SMAD3: variants seen among roughly 807,000 people sequenced by gnomAD.
The protein encoded by SMAD3 is MAD homolog 3.
A neutral mutation model predicts 51.8 loss-of-function variants in SMAD3; 12 were observed. That is an observed-to-expected ratio of 0.23 (90% CI 0.15 to 0.38). SMAD3 has a LOEUF of 0.38. Among genes scored for constraint, SMAD3 ranks in the 10% least tolerant of loss-of-function variants. The pLI, the probability that SMAD3 is intolerant of heterozygous loss-of-function variation, is 1.00. For missense variants in SMAD3, 294 were observed against 565.6 expected (o/e 0.52, Z 4.87); for synonymous variants, 238 against 227.7 (o/e 1.05, Z -0.41).
intron 1 of SMAD3, among the ~76,000 whole-genome samples, chr15:67,126,505 G>C (rs1177716345): frequency 6.6e-6 from 1 of 152,176 alleles, no homozygotes; most frequent in African/African-American, 2.4e-5. Flanking sequence ...AGATCTTCAT[G>C]TTCAGGTGGC....
Position 67,191,862 on chromosome 15 carries a change from A to T in SMAD3, c.*1326A>T. ...CGGTAGAGGATCACCGGTGACAACTATAGCAGTTGTATTGTGTAACAAGTA... is the reference window on the plus strand; with the variant it reads ...CGGTAGAGGATCACCGGTGACAACTTTAGCAGTTGTATTGTGTAACAAGTA... On this transcript the variant is annotated 3_prime_UTR_variant, in exon 9 of 9. Coordinates refer to ENST00000327367, the MANE Select transcript of SMAD3 (RefSeq NM_005902.4). 1 of 229,362 alleles carries T rather than the reference A, an allele frequency of 4.4e-6. No individual in the cohort carries two copies. 14.2% of individuals were successfully genotyped at this position (229,362 alleles called of 1,614,324 possible).
Position 67,194,748 on chromosome 15 carries a change from C to T in SMAD3, c.*4212C>T, listed in dbSNP as rs529870126. On this transcript the variant is annotated 3_prime_UTR_variant, in exon 9 of 9. Transcript: ENST00000327367. ...ACCAGGCTGGCTAAACAAGTGGCCG[C>T]GTGTAAAAACAGACAGCTCTGAGTC... 115 of 232,238 alleles carry T rather than the reference C, an allele frequency of 5.0e-4. No individual in the cohort carries two copies. In the South Asian group the frequency reaches 0.011, roughly 23 times the overall value. 14.4% of individuals were successfully genotyped at this position (232,238 alleles called of 1,614,324 possible).
chr15:67,066,843 G>C (rs1462483418), intron 1 of SMAD3, among the ~76,000 whole-genome samples: 1 of 152,234 alleles, frequency 6.6e-6, no homozygotes, highest in Non-Finnish European at 1.5e-5. Context: ...AATGCGGTCC[G>C]TACAGCTGGG....
intron 1 of SMAD3, chr15:67,138,086 A>G (rs1961712176): frequency 1.9e-6 from 3 of 1,551,620 alleles, no homozygotes; most frequent in African/African-American, 1.4e-5. Context: ...ACCGGAAAGC[A>G]TGGTGGATGG....
At chr15:67,154,511 A>G (rs759789746) in intron 1 of SMAD3, among the ~76,000 whole-genome samples, 1 of 152,204 alleles carries the variant, frequency 6.6e-6, no homozygotes, top group Non-Finnish European at 1.5e-5. Context: ...TTGCAGTGAG[A>G]CCTCAATTAT....
In SMAD3 at chr15:67,113,072, ATGTG is replaced by A. The variant is rs1555408261; in HGVS notation, c.206+46714_206+46717del. The stretch of plus-strand genomic sequence containing the variant: ...TAATCAACTTTTAAAATATATATAT[ATGTG>A]TATATATATATATATATATTTTTTT... On this transcript the variant is annotated intron_variant, in intron 1 of 8. Transcript: ENST00000327367. 1.1e-4 allele frequency among the ~76,000 whole-genome samples: 4 copies of A among 35,964 alleles called. 2 individuals are homozygous for A. The highest frequency in any genetic ancestry group is 2.1e-4 in the Non-Finnish European group (4 of 19,280). The allele number at this position is 35,964 out of a possible 152,430, so 23.6% of individuals were successfully genotyped here.
At chr15:67,097,318 G>A (rs1025344573) in intron 1 of SMAD3, among the ~76,000 whole-genome samples, 1 of 152,100 alleles carries the variant, frequency 6.6e-6, no homozygotes, top group African/African-American at 2.4e-5. Flanking sequence ...CAGCTCAAGC[G>A]ATCTTCCCAC....
At chr15:67,098,360 G>GAGCA (rs371793630) in intron 1 of SMAD3, among the ~76,000 whole-genome samples, 5,630 of 117,926 alleles carry the variant, frequency 0.048, 344 homozygotes, top group African/African-American at 0.14. Context: ...GAGAGCGAGC[G>GAGCA]AGCAAGCAAG....
intron 5 of SMAD3, among the ~76,000 whole-genome samples, chr15:67,172,119 C>G (rs1359517697): frequency 6.6e-6 from 1 of 152,194 alleles, no homozygotes; most frequent in Admixed American, 6.5e-5. Flanking sequence ...GAACTTCCCT[C>G]TAGATTGTGT....
At chr15:67,140,899 C>T (rs777364750) in intron 1 of SMAD3, among the ~76,000 whole-genome samples, 13 of 151,918 alleles carry the variant, frequency 8.6e-5, no homozygotes, top group Admixed American at 2.0e-4. Flanking sequence ...ATTGGCAAGT[C>T]GGCATCAGAC....
chr15:67,140,684 G>A (rs1043231224), intron 1 of SMAD3, among the ~76,000 whole-genome samples: 5 of 152,134 alleles, frequency 3.3e-5, no homozygotes, highest in Non-Finnish European at 5.9e-5. Flanking sequence ...CTGAACAAAC[G>A]GGGGTTTGTG....
At chr15:67,130,385 C>T (rs1296323711) in intron 1 of SMAD3, among the ~76,000 whole-genome samples, 4 of 151,858 alleles carry the variant, frequency 2.6e-5, no homozygotes, top group South Asian at 2.1e-4. Flanking sequence ...TGTTAGGAAC[C>T]GGGTCTCGTA....
At chr15:67,123,231 C>A (rs1171198260) in intron 1 of SMAD3, among the ~76,000 whole-genome samples, 1 of 150,874 alleles carries the variant, frequency 6.6e-6, no homozygotes, top group Non-Finnish European at 1.5e-5. Flanking sequence ...CGCAGTGGCT[C>A]ACACCTGTAA....
At chr15:67,098,322 AGGAGGGAGGGAG>A (rs1279427816) in intron 1 of SMAD3, among the ~76,000 whole-genome samples, 1 of 83,758 alleles carries the variant, frequency 1.2e-5, no homozygotes, top group Non-Finnish European at 2.3e-5. Context: ...AAAAGAAGGA[AGGAGGGAGGGAG>A]GGAGGGAGGG....
At chr15:67,171,113 A>G (rs1023023942) in intron 5 of SMAD3, among the ~76,000 whole-genome samples, 3 of 152,202 alleles carry the variant, frequency 2.0e-5, no homozygotes, top group Admixed American at 6.5e-5. Context: ...ATAACTGTCT[A>G]TGTGTGATTA....
intron 1 of SMAD3, among the ~76,000 whole-genome samples, chr15:67,126,590 C>A (rs758046447): frequency 6.6e-6 from 1 of 152,114 alleles, no homozygotes; most frequent in Non-Finnish European, 1.5e-5. Flanking sequence ...TTTTGATTTT[C>A]TATTCTGCGT....
intron 1 of SMAD3, among the ~76,000 whole-genome samples, chr15:67,083,271 C>T (rs1566962285): frequency 6.6e-6 from 1 of 152,218 alleles, no homozygotes; most frequent in Admixed American, 6.5e-5. Flanking sequence ...CCAGGGTGCC[C>T]CCAACCCTTT....
At chr15:67,173,633 T>C (rs8030377) in intron 5 of SMAD3, among the ~76,000 whole-genome samples, 2,022 of 152,310 alleles carry the variant, frequency 0.013, 65 homozygotes, top group African/African-American at 0.047. Flanking sequence ...TAAAGTTGTT[T>C]GTGGGTTTTG....
At chr15:67,183,000 A>AATATATATAT (rs1555413788) in intron 6 of SMAD3, among the ~76,000 whole-genome samples, 8 of 43,648 alleles carry the variant, frequency 1.8e-4, no homozygotes, top group Non-Finnish European at 2.9e-4. Flanking sequence ...AAAAAAAAAA[A>AATATATATAT]ATATATATAT....
Sources: allele counts gnomAD v4.1 joint callset (sites outside exome capture counted in the v4.1 genomes callset), GRCh38; gene constraint gnomAD v4.1.1; transcripts MANE v1.5; gene names NCBI Gene and HGNC (gene_info 2026-07-23, HGNC 2026-07-21).